Variants in SUPT3H observed in about 807,000 individuals in gnomAD.
SUPT3H encodes the protein transcription initiation protein SPT3 homolog.
SUPT3H carries 44 observed loss-of-function variants against 44.3 expected under a neutral mutation model. The ratio of observed to expected loss-of-function variants is 0.99; its 90% CI spans 0.78 to 1.28. The LOEUF (loss-of-function observed/expected upper bound fraction) is 1.28. SUPT3H is among the 50% of genes most tolerant of loss of function. The pLI is 0.00. For missense variants in SUPT3H, 380 were observed against 387.1 expected (o/e 0.98, Z 0.15); for synonymous variants, 124 against 125.6 (o/e 0.99, Z 0.09).
At chr6:44,863,912 GAGAACA>G (rs1561911632) in intron 10 of SUPT3H, among the ~76,000 whole-genome samples, 1 of 151,858 alleles carries the variant, frequency 6.6e-6, no homozygotes, top group Non-Finnish European at 1.5e-5. Flanking sequence ...TCACTACCAT[GAGAACA>G]GTATGGGAGA....
intron 9 of SUPT3H, among the ~76,000 whole-genome samples, chr6:44,933,276 G>T (rs1437050710): frequency 1.3e-5 from 2 of 149,234 alleles, no homozygotes; most frequent in Admixed American, 1.4e-4. Context: ...AATTTTCTAG[G>T]TATCTCAGGA....
chr6:45,342,701 C>G (rs776627366), intron 2 of SUPT3H, among the ~76,000 whole-genome samples: 2 of 151,916 alleles, frequency 1.3e-5, no homozygotes, highest in Non-Finnish European at 2.9e-5. Flanking sequence ...TAAAAACCAT[C>G]AATACATAAA....
rs548396702 is a variant in SUPT3H, at chr6:45,362,317, C to G, written c.101+2884G>C. On this transcript the variant is annotated intron_variant, in intron 2 of 10. Coordinates refer to ENST00000371459, the MANE Select transcript of SUPT3H (RefSeq NM_003599.4). ...CCAGGGAGCCAAAAGAACAACAACTCATTAATAGTGAATGGATTGGGGAAG... is the reference window on the plus strand; with the variant it reads ...CCAGGGAGCCAAAAGAACAACAACTGATTAATAGTGAATGGATTGGGGAAG... 1.2e-3 allele frequency among the ~76,000 whole-genome samples: 189 copies of G among 152,218 alleles called. 2 individuals are homozygous for G. Among genetic ancestry groups the G allele is most frequent in the Non-Finnish European group, 3.7e-4 (25 of 68,016 alleles).
rs558789488 is a variant in SUPT3H at position 45,228,367 on chromosome 6, CCCT to C, written c.102-122364_102-122362del. Reference sequence around the variant, plus strand: ...AGGCCTTAATAGAGCAAAAGGCTGACCCTCCTCCAAGTAAGAGAGAATTTTGCT... The same window carrying C: ...AGGCCTTAATAGAGCAAAAGGCTGACCCTCCAAGTAAGAGAGAATTTTGCT... On this transcript the variant is annotated intron_variant, in intron 2 of 10. Transcript: ENST00000371459. Among the ~76,000 whole-genome samples the C allele has an allele frequency of 2.1e-3, 322 of 152,286 alleles. 2 individuals carry two copies. Among genetic ancestry groups the C allele is most frequent in the Non-Finnish European group, 3.8e-3 (258 of 68,006 alleles).
intron 10 of SUPT3H, among the ~76,000 whole-genome samples, chr6:44,880,456 T>C (rs1189777126): frequency 1.3e-5 from 2 of 152,138 alleles, no homozygotes; most frequent in Non-Finnish European, 2.9e-5. Context: ...ACTTGATTGG[T>C]GTACCTGAAA....
chr6:44,840,575 G>A (rs1770778066), intron 10 of SUPT3H, among the ~76,000 whole-genome samples: 1 of 152,208 alleles, frequency 6.6e-6, no homozygotes, highest in African/African-American at 2.4e-5. Context: ...TCCTACTCGG[G>A]TGTGAACATC....
Position 45,062,153 on chromosome 6 carries a change from C to A in SUPT3H, c.187-41521G>T, listed in dbSNP as rs148616373. ...GATATGGCAAAGGATACAGATGCCT[C>A]TTTTAGGTGAATTATTTCAATTCAG... On this transcript the variant is annotated intron_variant, in intron 3 of 10. Transcript: ENST00000371459. 2.5e-3 allele frequency among the ~76,000 whole-genome samples: 385 copies of A among 151,642 alleles called. 3 individuals are homozygous for A. Among genetic ancestry groups the A allele is most frequent in the African/African-American group, 8.5e-3 (351 of 41,288 alleles).
chr6:44,980,917 G>A (rs967171777), intron 6 of SUPT3H, among the ~76,000 whole-genome samples: 2 of 152,186 alleles, frequency 1.3e-5, no homozygotes, highest in South Asian at 2.1e-4. Flanking sequence ...AGAAGCGCAC[G>A]TCTGAAGAAG....
chr6:44,810,680 G>A (rs1766452772), intron 11 of SUPT3H, among the ~76,000 whole-genome samples: 1 of 151,668 alleles, frequency 6.6e-6, no homozygotes, highest in East Asian at 1.9e-4. Flanking sequence ...GGCTGAGGCA[G>A]GTGGATCACG....
In SUPT3H at chr6:44,945,537, G is replaced by A. The variant is rs182661710; in HGVS notation, c.801+7773C>T. 5.8e-4 allele frequency among the ~76,000 whole-genome samples: 88 copies of A among 152,286 alleles called. 1 individual carries two copies. Among genetic ancestry groups the A allele is most frequent in the African/African-American group, 2.0e-3 (85 of 41,572 alleles). Reference sequence around the variant, plus strand: ...ACACAAATGATAAGAAGGTGAAACAGCCTTATTGCTGATATGGAGAATGTT... The same window carrying A: ...ACACAAATGATAAGAAGGTGAAACAACCTTATTGCTGATATGGAGAATGTT... On this transcript the variant is annotated intron_variant, in intron 9 of 10. Coordinates refer to ENST00000371459, the MANE Select transcript of SUPT3H (RefSeq NM_003599.4).
At chr6:45,227,325 T>A (rs890428802) in intron 2 of SUPT3H, among the ~76,000 whole-genome samples, 7 of 152,130 alleles carry the variant, frequency 4.6e-5, no homozygotes, top group Non-Finnish European at 8.8e-5. Context: ...TCAGACATTT[T>A]CAACATTAGT....
At chr6:44,882,002 C>G (rs1237056834) in intron 10 of SUPT3H, among the ~76,000 whole-genome samples, 1 of 152,086 alleles carries the variant, frequency 6.6e-6, no homozygotes, top group African/African-American at 2.4e-5. Context: ...CAAACACATT[C>G]AAAAGCTAGC....
At chr6:45,173,539 T>C (rs1811173996) in intron 2 of SUPT3H, among the ~76,000 whole-genome samples, 3 of 152,236 alleles carry the variant, frequency 2.0e-5, no homozygotes, top group Admixed American at 6.5e-5. Flanking sequence ...AGCTGATCTC[T>C]TTTTCCTAAG....
chr6:45,106,337 T>TG (rs1799272472), intron 2 of SUPT3H, among the ~76,000 whole-genome samples: 1 of 151,796 alleles, frequency 6.6e-6, no homozygotes, highest in Admixed American at 6.6e-5. Flanking sequence ...GAGGCTGAGG[T>TG]GGGGGGATGG....
At chr6:45,131,641 T>C (rs1803482452) in intron 2 of SUPT3H, among the ~76,000 whole-genome samples, 1 of 152,190 alleles carries the variant, frequency 6.6e-6, no homozygotes, top group South Asian at 2.1e-4. Context: ...TAAAAAGATA[T>C]TCAGATTGAC....
At chr6:45,254,255 G>A (rs778495822) in intron 2 of SUPT3H, among the ~76,000 whole-genome samples, 6 of 152,012 alleles carry the variant, frequency 3.9e-5, no homozygotes, top group Non-Finnish European at 8.8e-5. Flanking sequence ...ATGAAACACT[G>A]ACAAACACAG....
chr6:45,079,037 G>A lies in SUPT3H; in HGVS notation c.186+26885C>T, dbSNP rs554160269. Among the ~76,000 whole-genome samples, 8 of 152,184 alleles carry A rather than the reference G, an allele frequency of 5.3e-5. No homozygotes were observed. The East Asian group carries it at 5.8e-4, about 11-fold the overall frequency. ...TATTTTGTTACATATATTGCTGGGCGCGGTGGCTCATGCCTATAATCCCAG... is the reference window on the plus strand; with the variant it reads ...TATTTTGTTACATATATTGCTGGGCACGGTGGCTCATGCCTATAATCCCAG... On this transcript the variant is annotated intron_variant, in intron 3 of 10. Transcript: ENST00000371459.
intron 6 of SUPT3H, among the ~76,000 whole-genome samples, chr6:44,979,183 A>G (rs1325956273): frequency 1.3e-5 from 2 of 152,166 alleles, no homozygotes; most frequent in African/African-American, 2.4e-5. Context: ...CACAGCCCAG[A>G]TGGTACTTAT....
chr6:45,313,678 A>G (rs1784301849), intron 2 of SUPT3H, among the ~76,000 whole-genome samples: 1 of 150,250 alleles, frequency 6.7e-6, no homozygotes, highest in Admixed American at 6.6e-5. Context: ...AAAGTCCACG[A>G]CCAGACGGAT....
Sources: gnomAD v4.1 joint callset for allele counts (sites outside exome capture counted in the v4.1 genomes callset) on GRCh38, gnomAD v4.1.1 for gene constraint, MANE v1.5 for transcripts, NCBI Gene and HGNC (gene_info 2026-07-23, HGNC 2026-07-21) for gene names.